The following LARGE1 variants were observed in gnomAD, a reference collection of about 807,000 sequenced individuals.
LARGE1 encodes xylosyl- and glucuronyltransferase LARGE1.
A neutral mutation model predicts 87.6 loss-of-function variants in LARGE1; 43 were observed. That is an observed-to-expected ratio of 0.49 (90% confidence interval 0.38 to 0.63). The LOEUF (loss-of-function observed/expected upper bound fraction) is 0.63. Ranked by LOEUF, LARGE1 falls within the 30% of genes least tolerant of loss-of-function variation. The probability of loss-of-function intolerance (pLI) is 0.00; values close to 1 mark genes in which losing one functional copy is unlikely to be tolerated. For synonymous variants in LARGE1, 434 were observed against 394.6 expected (o/e 1.10, Z -1.18); for missense variants, 802 against 1,000.2 (o/e 0.80, Z 2.67).
chr22:33,821,400 T>A (rs184377906), intron 1 of LARGE1, among the ~76,000 whole-genome samples: 5 of 152,054 alleles, frequency 3.3e-5, no homozygotes, highest in Non-Finnish European at 7.4e-5. Context: ...TACCTCCCCA[T>A]CCTGAAATGA....
intron 2 of LARGE1, among the ~76,000 whole-genome samples, chr22:33,708,173 G>A (rs2082617876): frequency 6.6e-6 from 1 of 152,108 alleles, no homozygotes; most frequent in Admixed American, 6.5e-5. Flanking sequence ...TTTCAACCAA[G>A]CTTGGCACTG....
intron 1 of LARGE1, among the ~76,000 whole-genome samples, chr22:33,818,961 C>A (rs1028941371): frequency 9.2e-5 from 14 of 152,192 alleles, no homozygotes; most frequent in African/African-American, 3.4e-4. Context: ...GGCTACACCG[C>A]ATTCCTATTT....
chr22:33,512,743 C>T (rs1357149260), intron 6 of LARGE1, among the ~76,000 whole-genome samples: 1 of 152,156 alleles, frequency 6.6e-6, no homozygotes, highest in Non-Finnish European at 1.5e-5. Flanking sequence ...GCGGAAGTTG[C>T]AGTGAGCAGA....
At chr22:33,199,158 A>G (rs1464143383) in intron 11 of LARGE1, among the ~76,000 whole-genome samples, 5 of 151,624 alleles carry the variant, frequency 3.3e-5, no homozygotes, top group Non-Finnish European at 7.4e-5. Flanking sequence ...TCTTTTTAAA[A>G]ATATCTCTTT....
chr22:33,156,106 G>A, the LARGE1 span, among the ~76,000 whole-genome samples: 2 of 152,204 alleles, frequency 1.3e-5, no homozygotes, highest in Non-Finnish European at 2.9e-5. Flanking sequence ...TGCTGCAGGG[G>A]TGGGGTCCTC....
At chr22:33,897,516 G>C (rs1476715992) in intron 1 of LARGE1, among the ~76,000 whole-genome samples, 5 of 152,214 alleles carry the variant, frequency 3.3e-5, no homozygotes, top group African/African-American at 9.6e-5. Context: ...GGACAGGGCA[G>C]CATGACGGGA....
intron 6 of LARGE1, among the ~76,000 whole-genome samples, chr22:33,457,679 A>C (rs1030771729): frequency 7.2e-5 from 11 of 152,214 alleles, no homozygotes; most frequent in African/African-American, 2.7e-4. Flanking sequence ...ATCCCATGAA[A>C]ATATTGCAAA....
chr22:33,855,336 A>C lies in LARGE1; in HGVS notation c.-83+64659T>G, dbSNP rs868694416. ...GCAAGACAGCGGGACCCCGTCTCAA[A>C]AAAAATAAATAAATAAAAATAAAGT... On this transcript the variant is annotated intron_variant, in intron 1 of 14. Transcript: ENST00000397394. 9.2e-5 allele frequency among the ~76,000 whole-genome samples: 14 copies of C among 152,312 alleles called. No individual in the cohort carries two copies. In the Middle Eastern group the frequency reaches 0.02, roughly 222 times the overall value.
At chr22:33,384,362 G>C (rs867606539) in intron 7 of LARGE1, 58 bp from the exon 8 acceptor site, 50 of 975,488 alleles carry the variant, frequency 5.1e-5, no homozygotes, top group South Asian at 8.6e-5. Context: ...TGGAGAGCTA[G>C]GCACACCTAC....
intron 11 of LARGE1, among the ~76,000 whole-genome samples, chr22:33,168,974 A>C (rs1258437261): frequency 6.6e-6 from 1 of 152,228 alleles, no homozygotes; most frequent in Non-Finnish European, 1.5e-5. Context: ...GTAAACCAGC[A>C]CTTGGCCTAC....
At chr22:33,234,519 GT>G (rs1056950175) in intron 11 of LARGE1, among the ~76,000 whole-genome samples, 18 of 151,118 alleles carry the variant, frequency 1.2e-4, no homozygotes, top group Admixed American at 4.0e-4. Flanking sequence ...AAAAAAGCAA[GT>G]TTTTTTTTGT....
At chr22:33,319,351 A>G (rs545826412) in intron 10 of LARGE1, among the ~76,000 whole-genome samples, 6 of 152,150 alleles carry the variant, frequency 3.9e-5, no homozygotes, top group South Asian at 4.1e-4. Context: ...CTCCTCCCCA[A>G]TTGCCAAAGT....
chr22:33,623,846 A>G (rs2079834267), intron 4 of LARGE1, among the ~76,000 whole-genome samples: 1 of 152,048 alleles, frequency 6.6e-6, no homozygotes, highest in African/African-American at 2.4e-5. Flanking sequence ...GCTGGCCAAC[A>G]TGGAGGAACC....
In LARGE1 at chr22:33,787,020, C is replaced by CAAAA. The variant is rs1184293115; in HGVS notation, c.-82-25466_-82-25463dup. On this transcript the variant is annotated intron_variant, in intron 1 of 14. Coordinates refer to ENST00000397394, the MANE Select transcript of LARGE1 (RefSeq NM_133642.5). ...TGGGTGACAGAGTGAGACTCCATTT[C>CAAAA]AAAAAAAAAAAAAAAAAGAAAGAAA... is the stretch of plus-strand genomic sequence containing the variant. 5.2e-5 allele frequency among the ~76,000 whole-genome samples: 4 copies of CAAAA among 77,120 alleles called. 1 individual carries two copies. The highest frequency in any genetic ancestry group is 5.3e-5 in the Non-Finnish European group (2 of 38,032). 50.6% of individuals were successfully genotyped at this position (77,120 alleles called of 152,430 possible). A position where few individuals can be genotyped will look rare whatever the true frequency, so the allele number is the denominator to read the frequency against.
intron 6 of LARGE1, among the ~76,000 whole-genome samples, chr22:33,444,202 A>T (rs1235776314): frequency 1.3e-5 from 2 of 152,228 alleles, no homozygotes; most frequent in Non-Finnish European, 2.9e-5. Flanking sequence ...CAATTTCCAA[A>T]CTTTAATTTT....
rs374065948 is a variant in LARGE1 at position 33,304,552 on chromosome 22, T to C, written c.1452-45A>G. On this transcript the variant is annotated intron_variant, in intron 11 of 14. Transcript: ENST00000397394. ...TGAGCCGCGGGACCTGGGCCATCCA[T>C]GCATCATCCGCCGGGCCTGTTGTGG... 1.3e-4 allele frequency: 201 copies of C among 1,518,732 alleles called. 1 individual carries two copies. The East Asian group carries it at 3.6e-3, about 27-fold the overall frequency. The allele number at this position is 1,518,732 out of a possible 1,614,324, so 94.1% of individuals were successfully genotyped here. A position where few individuals can be genotyped will look rare whatever the true frequency, so the allele number is the denominator to read the frequency against.
chr22:33,531,105 A>G (rs2072175738), intron 6 of LARGE1, among the ~76,000 whole-genome samples: 1 of 152,216 alleles, frequency 6.6e-6, no homozygotes, highest in South Asian at 2.1e-4. Flanking sequence ...TCAAGCCAGT[A>G]GTACTATACT....
chr22:33,919,689 C>G (rs1043538644), intron 1 of LARGE1, among the ~76,000 whole-genome samples: 1 of 152,252 alleles, frequency 6.6e-6, no homozygotes, highest in Non-Finnish European at 1.5e-5. Context: ...AACAAGAGGG[C>G]CGGGGGTGCG....
At chr22:33,075,284 C>T in the LARGE1 span, among the ~76,000 whole-genome samples, 65 of 152,048 alleles carry the variant, frequency 4.3e-4, no homozygotes, top group East Asian at 0.012. Flanking sequence ...CTCCAAATAC[C>T]GTGGTCTTCT....
Sources: gnomAD v4.1 joint callset for allele counts (sites outside exome capture counted in the v4.1 genomes callset) on GRCh38, gnomAD v4.1.1 for gene constraint, MANE v1.5 for transcripts, NCBI Gene and HGNC (gene_info 2026-07-23, HGNC 2026-07-21) for gene names.